Variants in PTPRD observed in about 807,000 individuals in gnomAD.
The protein encoded by PTPRD is protein tyrosine phosphatase receptor type D, also known as receptor-type tyrosine-protein phosphatase delta.
Under a neutral mutation model 214.5 loss-of-function variants are expected in PTPRD, and 34 were observed. The observed-to-expected ratio is 0.16, with a 90% confidence interval of 0.12 to 0.21. The LOEUF is 0.21. PTPRD is among the 10% of genes least tolerant of loss of function. The probability of loss-of-function intolerance (pLI) is 1.00; values close to 1 mark genes in which losing one functional copy is unlikely to be tolerated. For synonymous variants in PTPRD, 1,128 were observed against 845.7 expected (o/e 1.33, Z -5.79); for missense variants, 2,545 against 2,398.7 (o/e 1.06, Z -1.27).
intron 9 of PTPRD, among the ~76,000 whole-genome samples, chr9:9,278,524 T>A (rs891633809): frequency 6.6e-5 from 10 of 151,362 alleles, no homozygotes; most frequent in Non-Finnish European, 1.2e-4. Context: ...TGAGGATATG[T>A]ATATTTTAAC....
At chr9:9,007,069 A>G (rs2099475032) in intron 11 of PTPRD, among the ~76,000 whole-genome samples, 3 of 151,990 alleles carry the variant, frequency 2.0e-5, no homozygotes, top group Non-Finnish European at 4.4e-5. Flanking sequence ...CTGCTTGGTT[A>G]TTTTAAATTA....
intron 3 of PTPRD, among the ~76,000 whole-genome samples, chr9:10,194,343 TATAGAGAGAGAGAGAGAGAG>T (rs1245746441): frequency 6.7e-3 from 273 of 40,960 alleles, no homozygotes; most frequent in Middle Eastern, 0.03. Context: ...TATATATATA[TATAGAGAGAGAGAGAGAGAG>T]AGAGAGAGAG....
intron 6 of PTPRD, among the ~76,000 whole-genome samples, chr9:9,758,228 A>T (rs193149444): frequency 1.3e-5 from 2 of 150,030 alleles, no homozygotes; most frequent in African/African-American, 2.5e-5. Flanking sequence ...ATTTCCTTAT[A>T]AAAAAACAGA....
At position 9,580,479 on chromosome 9, in the gene PTPRD, C is replaced by T. The variant is rs569367224; in HGVS notation, c.-286-5698G>A. Among the ~76,000 whole-genome samples the T allele has an allele frequency of 5.3e-5, 8 of 151,380 alleles. No homozygotes were observed. The South Asian group carries it at 6.3e-4, about 12-fold the overall frequency. On this transcript the variant is annotated intron_variant, in intron 7 of 45. Transcript: ENST00000381196. ...TTAGTAATGATGAGCATTTTTGATG[C>T]GCTTGTTGGCCATTTGTATGTTTTC...
chr9:9,148,429 G>A (rs2099872281), intron 10 of PTPRD, among the ~76,000 whole-genome samples: 1 of 152,088 alleles, frequency 6.6e-6, no homozygotes, highest in African/African-American at 2.4e-5. Flanking sequence ...ATTGACTTCA[G>A]CAGACGGAAA....
intron 5 of PTPRD, among the ~76,000 whole-genome samples, chr9:9,853,669 C>T (rs1221978274): frequency 6.6e-6 from 1 of 152,062 alleles, no homozygotes; most frequent in Non-Finnish European, 1.5e-5. Context: ...CTGCCTCAGC[C>T]TCCTGAGTAG....
chr9:9,755,106 C>A (rs977504425), intron 6 of PTPRD, among the ~76,000 whole-genome samples: 8 of 151,946 alleles, frequency 5.3e-5, no homozygotes, highest in African/African-American at 1.9e-4. Context: ...GCATATTAAA[C>A]AAGATCTCCA....
intron 44 of PTPRD, among the ~76,000 whole-genome samples, chr9:8,320,621 C>T (rs541956542): frequency 1.3e-5 from 2 of 148,858 alleles, no homozygotes; most frequent in African/African-American, 2.5e-5. Context: ...AGACTTAGAA[C>T]TTTCAACAGA....
intron 10 of PTPRD, among the ~76,000 whole-genome samples, chr9:9,047,649 A>C (rs980737146): frequency 6.6e-6 from 1 of 152,158 alleles, no homozygotes; most frequent in African/African-American, 2.4e-5. Context: ...TACTGGGGAA[A>C]AGACAGTCTC....
intron 3 of PTPRD, among the ~76,000 whole-genome samples, chr9:10,244,635 A>C (rs550352090): frequency 6.6e-6 from 1 of 152,262 alleles, no homozygotes; most frequent in East Asian, 1.9e-4. Context: ...ATGAAAATAA[A>C]ACATTATTTC....
intron 3 of PTPRD, among the ~76,000 whole-genome samples, chr9:10,089,621 G>C (rs2098405137): frequency 6.6e-6 from 1 of 151,568 alleles, no homozygotes; most frequent in Admixed American, 6.6e-5. Context: ...ATTGCTAAAA[G>C]TAGGCAATAC....
intron 5 of PTPRD, among the ~76,000 whole-genome samples, chr9:9,819,249 G>T (rs142473977): frequency 3.8e-4 from 58 of 152,108 alleles, no homozygotes; most frequent in Admixed American, 6.6e-4. Context: ...CTGGAGTATC[G>T]GCAGAAATTA....
chr9:9,532,553 CAGATTT>C (rs1219937833), intron 8 of PTPRD, among the ~76,000 whole-genome samples: 16 of 152,128 alleles, frequency 1.1e-4, no homozygotes, highest in Non-Finnish European at 1.8e-4. Flanking sequence ...ACTGACACAT[CAGATTT>C]CTTTGAGAAT....
intron 39 of PTPRD, among the ~76,000 whole-genome samples, chr9:8,347,352 G>A (rs4742485): frequency 0.49 from 74,995 of 151,884 alleles, 21,391 homozygotes; most frequent in Non-Finnish European, 0.65. Flanking sequence ...TGACTCTGTC[G>A]CCTACTATTC....
intron 33 of PTPRD, among the ~76,000 whole-genome samples, chr9:8,455,593 A>T (rs1242103302): frequency 1.3e-5 from 2 of 152,212 alleles, no homozygotes; most frequent in African/African-American, 4.8e-5. Flanking sequence ...GAGATAATTC[A>T]ATCCATCTCT....
intron 10 of PTPRD, among the ~76,000 whole-genome samples, chr9:9,054,223 C>T (rs1308098519): frequency 6.6e-6 from 1 of 152,148 alleles, no homozygotes; most frequent in African/African-American, 2.4e-5. Context: ...AATTGGGACT[C>T]AGAATAGTTA....
intron 3 of PTPRD, among the ~76,000 whole-genome samples, chr9:10,309,786 T>C (rs2096214772): frequency 6.6e-6 from 1 of 152,004 alleles, no homozygotes. Flanking sequence ...TTGACGTCAA[T>C]TTAAACAAAA....
intron 32 of PTPRD, among the ~76,000 whole-genome samples, chr9:8,463,930 A>G (rs543077917): frequency 6.6e-6 from 1 of 152,014 alleles, no homozygotes; most frequent in Non-Finnish European, 1.5e-5. Flanking sequence ...GCAAATATTT[A>G]TGATATATAA....
rs1374301393 is a variant in PTPRD at position 9,181,945 on chromosome 9, C to A, written c.-143+1359G>T. Among the ~76,000 whole-genome samples the A allele has an allele frequency of 2.6e-5, 4 of 152,084 alleles. No individual in the cohort carries two copies. In the South Asian group the frequency reaches 8.3e-4, roughly 32 times the overall value. On this transcript the variant is annotated intron_variant, in intron 10 of 45. Coordinates refer to ENST00000381196, the MANE Select transcript of PTPRD (RefSeq NM_002839.4). ...AGATAATGTGCTTGGAAAATGGAAACTGATTCTATACAAATTGCTGAAACA... is the reference window on the plus strand; with the variant it reads ...AGATAATGTGCTTGGAAAATGGAAAATGATTCTATACAAATTGCTGAAACA...
Sources: gnomAD v4.1 joint callset for allele counts (sites outside exome capture counted in the v4.1 genomes callset) on GRCh38, gnomAD v4.1.1 for gene constraint, MANE v1.5 for transcripts, NCBI Gene and HGNC (gene_info 2026-07-23, HGNC 2026-07-21) for gene names.